ROBO2: variants seen among roughly 807,000 people sequenced by gnomAD.
ROBO2 encodes roundabout homolog 2.
ROBO2 carries 53 observed loss-of-function variants against 160.8 expected under a neutral mutation model. That is an observed-to-expected ratio of 0.33 (90% CI 0.26 to 0.41). ROBO2 has a LOEUF of 0.41. Among genes scored for constraint, ROBO2 ranks in the 10% least tolerant of loss-of-function variants. ROBO2 has a pLI of 1.00. For synonymous variants in ROBO2, 664 were observed against 611.7 expected (o/e 1.09, Z -1.26); for missense variants, 1,577 against 1,722.4 (o/e 0.92, Z 1.49).
chr3:76,268,250 G>T (rs978104175), intron 2 of ROBO2, among the ~76,000 whole-genome samples: 3 of 151,840 alleles, frequency 2.0e-5, no homozygotes, highest in African/African-American at 7.3e-5. Flanking sequence ...ATCCTGGGCA[G>T]CAGAGCAAAG....
intron 2 of ROBO2, among the ~76,000 whole-genome samples, chr3:77,319,074 G>A (rs888149667): frequency 3.9e-5 from 6 of 152,024 alleles, no homozygotes; most frequent in Admixed American, 3.3e-4. Context: ...TACAATACCT[G>A]GAAAGTAATT....
chr3:76,279,281 G>T lies in ROBO2; in HGVS notation c.109+341679G>T, dbSNP rs1015569165. On this transcript the variant is annotated intron_variant, in intron 2 of 26. Coordinates refer to the ROBO2 transcript ENST00000487694. ...GTAAGATTTTTTTTAAAAAGAGCTT[G>T]TGTAGGTCTCTTACTCAGATATAAC... is the stretch of plus-strand genomic sequence containing the variant. 4.6e-5 allele frequency among the ~76,000 whole-genome samples: 7 copies of T among 151,790 alleles called. No homozygotes were observed. In the South Asian group the frequency reaches 1.2e-3, roughly 27 times the overall value.
At chr3:77,196,646 A>AT in intron 2 of ROBO2, among the ~76,000 whole-genome samples, 1 of 152,182 alleles carries the variant, frequency 6.6e-6, no homozygotes, top group African/African-American at 2.4e-5. Flanking sequence ...TTATTTATTG[A>AT]TTTTTATTAT....
chr3:77,343,125 G>C (rs2153452491), intron 2 of ROBO2, among the ~76,000 whole-genome samples: 1 of 152,070 alleles, frequency 6.6e-6, no homozygotes, highest in East Asian at 1.9e-4. Context: ...GGATAAGGAT[G>C]CTGCTCTTAT....
chr3:77,595,097 T>C, intron 17 of ROBO2, 45 bp from the exon 19 acceptor site: 2 of 1,493,214 alleles, frequency 1.3e-6, no homozygotes, highest in Non-Finnish European at 1.9e-6. Context: ...TAATTAATAT[T>C]GACTACTTGT....
chr3:76,441,469 G>C (rs999555742), intron 2 of ROBO2, among the ~76,000 whole-genome samples: 2 of 152,162 alleles, frequency 1.3e-5, no homozygotes, highest in African/African-American at 2.4e-5. Context: ...TTCTTGAAAA[G>C]TTGTATATTC....
At chr3:76,551,457 C>T (rs770989295) in intron 2 of ROBO2, among the ~76,000 whole-genome samples, 6 of 152,042 alleles carry the variant, frequency 3.9e-5, no homozygotes, top group African/African-American at 9.7e-5. Flanking sequence ...TCATCCTGGA[C>T]GTGGGACAAG....
At chr3:76,374,377 T>C (rs2076245283) in intron 2 of ROBO2, among the ~76,000 whole-genome samples, 1 of 152,002 alleles carries the variant, frequency 6.6e-6, no homozygotes, top group South Asian at 2.1e-4. Context: ...GGTCAAATAA[T>C]TAAAATGAAG....
chr3:76,682,046 T>C (rs2092576656), intron 2 of ROBO2, among the ~76,000 whole-genome samples: 1 of 152,104 alleles, frequency 6.6e-6, no homozygotes, highest in Non-Finnish European at 1.5e-5. Flanking sequence ...AGGCTACTAT[T>C]GTGTGCCAGA....
rs564690223 is a variant in ROBO2, at chr3:76,020,629, C to G, written c.109+83027C>G. Among the ~76,000 whole-genome samples, 36 of 151,918 alleles carry G rather than the reference C, an allele frequency of 2.4e-4. No homozygotes were observed. The South Asian group carries it at 7.5e-3, about 32-fold the overall frequency. On this transcript the variant is annotated intron_variant, in intron 2 of 26. Transcript: ENST00000487694. ...AAAATCAAATCACCTGCTATTTAGTCTTACTTATTGTTCCATATTTTAATT... is the reference window on the plus strand; with the variant it reads ...AAAATCAAATCACCTGCTATTTAGTGTTACTTATTGTTCCATATTTTAATT...
chr3:77,405,478 T>G (rs2076180569), intron 2 of ROBO2, among the ~76,000 whole-genome samples: 1 of 152,142 alleles, frequency 6.6e-6, no homozygotes, highest in Non-Finnish European at 1.5e-5. Flanking sequence ...AAATAGCAGT[T>G]ATGTCTTTAA....
intron 2 of ROBO2, among the ~76,000 whole-genome samples, chr3:76,141,356 G>A (rs1206094046): frequency 6.7e-6 from 1 of 150,028 alleles, no homozygotes; most frequent in Non-Finnish European, 1.5e-5. Context: ...ACAGGGAAAT[G>A]TGTGAGAAAA....
At chr3:76,551,310 C>T (rs2083405569) in intron 2 of ROBO2, among the ~76,000 whole-genome samples, 1 of 152,096 alleles carries the variant, frequency 6.6e-6, no homozygotes, top group Non-Finnish European at 1.5e-5. Context: ...GTCTACTCTC[C>T]TCTGAGAGCT....
At chr3:77,266,897 G>A (rs145136720) in intron 2 of ROBO2, among the ~76,000 whole-genome samples, 99 of 151,906 alleles carry the variant, frequency 6.5e-4, no homozygotes, top group African/African-American at 2.3e-3. Context: ...CAAAATATTC[G>A]ATTTTGTGAA....
chr3:77,146,172 G>A (rs79779177), intron 2 of ROBO2, among the ~76,000 whole-genome samples: 1,800 of 152,256 alleles, frequency 0.012, 35 homozygotes, highest in African/African-American at 0.041. Context: ...CACAATCAGC[G>A]AGATACACAT....
intron 2 of ROBO2, among the ~76,000 whole-genome samples, chr3:76,694,430 A>G (rs2092883677): frequency 6.6e-6 from 1 of 152,164 alleles, no homozygotes; most frequent in African/African-American, 2.4e-5. Flanking sequence ...TAAGAGCCCA[A>G]ATAAGCCAAA....
chr3:76,221,335 T>C (rs1329762566), intron 2 of ROBO2, among the ~76,000 whole-genome samples: 1 of 150,536 alleles, frequency 6.6e-6, no homozygotes, highest in Non-Finnish European at 1.5e-5. Context: ...TACAAGTGGG[T>C]AACTCAGGGT....
At chr3:76,263,332 G>A (rs570553578) in intron 2 of ROBO2, among the ~76,000 whole-genome samples, 9 of 152,142 alleles carry the variant, frequency 5.9e-5, no homozygotes, top group African/African-American at 2.2e-4. Context: ...CTGGGCTCAG[G>A]CGATGCACCT....
At chr3:76,066,513 G>A (rs1420397730) in intron 2 of ROBO2, among the ~76,000 whole-genome samples, 1 of 151,808 alleles carries the variant, frequency 6.6e-6, no homozygotes, top group Admixed American at 6.6e-5. Flanking sequence ...ATAAGTTTTT[G>A]CAAAAACAGA....
Sources: gnomAD v4.1 joint callset for allele counts (sites outside exome capture counted in the v4.1 genomes callset) on GRCh38, gnomAD v4.1.1 for gene constraint, MANE v1.5 for transcripts, NCBI Gene and HGNC (gene_info 2026-07-23, HGNC 2026-07-21) for gene names.